Variants in TNFRSF21 observed in about 807,000 individuals in gnomAD.
TNFRSF21 encodes the protein TNF receptor superfamily member 21.
A neutral mutation model predicts 45.6 loss-of-function variants in TNFRSF21; 19 were observed. That is an observed-to-expected ratio of 0.42 (90% CI 0.29 to 0.61). The LOEUF is 0.61. Among genes scored for constraint, TNFRSF21 ranks in the 20% least tolerant of loss-of-function variants. TNFRSF21 has a pLI of 0.23. For missense variants in TNFRSF21, 737 were observed against 851.5 expected (o/e 0.87, Z 1.67); for synonymous variants, 314 against 335.5 (o/e 0.94, Z 0.70).
At position 47,284,239 on chromosome 6, in the gene TNFRSF21, C is replaced by T. The variant is rs199660827; in HGVS notation, c.942G>A (p.Pro314=). 74 of 1,613,850 alleles carry T rather than the reference C, an allele frequency of 4.6e-5. No homozygotes were observed. Among genetic ancestry groups the T allele is most frequent in the Admixed American group, 1.5e-4 (9 of 60,012 alleles). ...PHHRHILKLL[P]SMEATGGEKS... is the part of the protein sequence containing the mutation. ...TCTCGCCCCCAGTGGCCTCCATGGA[C>T]GGCAGCAGCTTCAGGATGTGTCTGT... Residue 314 remains proline (P), a synonymous_variant, in exon 3 of 6, where the codon CCG becomes CCA. Transcript: ENST00000296861.
rs778427574 is a variant in TNFRSF21 at position 47,232,964 on chromosome 6, C to G, written c.1769G>C (p.Arg590Pro). ...EKKDTVLRQVRLDPCDLQPIF... is the reference protein window; with the variant it reads ...EKKDTVLRQVPLDPCDLQPIF... Reference sequence around the variant, plus strand: ...AGGCTGCAAGTCACAGGGGTCCAGGCGTACCTGCCGCAACACTGTGTCCTT... The same window carrying G: ...AGGCTGCAAGTCACAGGGGTCCAGGGGTACCTGCCGCAACACTGTGTCCTT... Residue 590 changes from arginine to proline, a missense_variant, in exon 6 of 6, where the codon CGC becomes CCC. By Grantham distance (103) the Arg-to-Pro change is moderately radical. Coordinates refer to ENST00000296861, the MANE Select transcript of TNFRSF21 (RefSeq NM_014452.5). 1.2e-6 allele frequency: 2 copies of G among 1,614,016 alleles called. No individual in the cohort carries two copies. Among genetic ancestry groups the G allele is most frequent in the African/African-American group, 1.3e-5 (1 of 74,912 alleles).
At chr6:47,256,913 G>A (rs1050592645) in intron 3 of TNFRSF21, among the ~76,000 whole-genome samples, 5 of 152,090 alleles carry the variant, frequency 3.3e-5, no homozygotes, top group Admixed American at 6.5e-5. Context: ...TCATAATGCC[G>A]ATGACAGTGG....
At chr6:47,253,905 C>T (rs183787468) in intron 3 of TNFRSF21, among the ~76,000 whole-genome samples, 1 of 152,314 alleles carries the variant, frequency 6.6e-6, no homozygotes, top group African/African-American at 2.4e-5. Context: ...TGCCTTGAAG[C>T]CATGGATGGT....
At chr6:47,259,688 C>A (rs1373718783) in intron 3 of TNFRSF21, among the ~76,000 whole-genome samples, 1 of 152,080 alleles carries the variant, frequency 6.6e-6, no homozygotes, top group African/African-American at 2.4e-5. Context: ...ATTGCCTTTT[C>A]CCGTGGTGCC....
intron 3 of TNFRSF21, among the ~76,000 whole-genome samples, chr6:47,257,514 A>T (rs2113851831): frequency 6.6e-6 from 1 of 152,362 alleles, no homozygotes; most frequent in Admixed American, 6.5e-5. Flanking sequence ...CCCAGTGAGG[A>T]GACCAGACTG....
intron 3 of TNFRSF21, among the ~76,000 whole-genome samples, chr6:47,259,155 A>G (rs1011800960): frequency 5.9e-5 from 9 of 152,256 alleles, no homozygotes; most frequent in Non-Finnish European, 1.0e-4. Flanking sequence ...ACAGTAAGTG[A>G]CATGGAGACC....
chr6:47,300,427 T>C (rs940016744), intron 1 of TNFRSF21, among the ~76,000 whole-genome samples: 1 of 152,228 alleles, frequency 6.6e-6, no homozygotes, highest in Non-Finnish European at 1.5e-5. Context: ...ATCTCTGCCC[T>C]GAATTACTGT....
intron 1 of TNFRSF21, among the ~76,000 whole-genome samples, chr6:47,287,314 AAAAAAAAAAAAAAAAAAAAAG>A (rs895675669): frequency 1.4e-5 from 2 of 146,008 alleles, no homozygotes; most frequent in African/African-American, 5.0e-5. Flanking sequence ...TCTCAAAAAA[AAAAAAAAAAAAAAAAAAAAAG>A]AAAAGAAAAA....
intron 1 of TNFRSF21, among the ~76,000 whole-genome samples, chr6:47,294,530 T>C (rs1340590009): frequency 6.6e-6 from 1 of 152,200 alleles, no homozygotes; most frequent in Non-Finnish European, 1.5e-5. Context: ...TCTGGCCTTA[T>C]ACCCTTCAGT....
intron 4 of TNFRSF21, among the ~76,000 whole-genome samples, chr6:47,241,481 A>G (rs1022457285): frequency 2.6e-5 from 4 of 151,176 alleles, no homozygotes; most frequent in African/African-American, 9.7e-5. Context: ...AATGTACCCA[A>G]TTTTTTTTTT....
intron 4 of TNFRSF21, among the ~76,000 whole-genome samples, chr6:47,251,281 T>A (rs1432659560): frequency 1.3e-5 from 2 of 152,174 alleles, no homozygotes; most frequent in East Asian, 3.8e-4. Context: ...CTTCTCAGCC[T>A]CCATCATAAC....
intron 1 of TNFRSF21, among the ~76,000 whole-genome samples, chr6:47,305,728 A>C (rs186547752): frequency 6.6e-6 from 1 of 152,356 alleles, no homozygotes; most frequent in East Asian, 1.9e-4. Flanking sequence ...TATAACAGCA[A>C]ATAGCCCTCT....
intron 1 of TNFRSF21, among the ~76,000 whole-genome samples, chr6:47,290,401 T>C (rs376350613): frequency 6.6e-6 from 1 of 152,276 alleles, no homozygotes; most frequent in Admixed American, 6.5e-5. Context: ...TATGTGTGGA[T>C]TTGGGTGTGG....
intron 1 of TNFRSF21, among the ~76,000 whole-genome samples, chr6:47,307,304 C>A (rs1309671011): frequency 1.3e-5 from 2 of 152,152 alleles, no homozygotes; most frequent in Non-Finnish European, 2.9e-5. Flanking sequence ...TTCAAAGTAG[C>A]CAAACTTAAA....
At position 47,262,953 on chromosome 6, in the gene TNFRSF21, C is replaced by G. The variant is rs549072084; in HGVS notation, c.1244-9432G>C. ...GACTTTACATTTAAACAGTATCATT[C>G]CAGCTGTTGTGCCAAGAATAAACTG... On this transcript the variant is annotated intron_variant, in intron 3 of 5. Transcript: ENST00000296861. Among the ~76,000 whole-genome samples the G allele has an allele frequency of 5.0e-4, 76 of 152,212 alleles. No homozygotes were observed. In the South Asian group the frequency reaches 9.6e-3, roughly 19 times the overall value.
At chr6:47,283,819 A>G in intron 3 of TNFRSF21, 119 bp downstream of exon 3, 1 of 1,253,178 alleles carries the variant, frequency 8.0e-7, no homozygotes, top group Non-Finnish European at 1.1e-6. Flanking sequence ...TAGATCAAGT[A>G]GTGTTTGGTC....
intron 4 of TNFRSF21, among the ~76,000 whole-genome samples, chr6:47,243,548 G>C (rs1394907007): frequency 1.3e-5 from 2 of 152,048 alleles, no homozygotes; most frequent in East Asian, 1.9e-4. Context: ...CTCCTGACTA[G>C]CTGGGATTAC....
At position 47,300,843 on chromosome 6, in the gene TNFRSF21, T is replaced by C. The variant is rs115260971; in HGVS notation, c.96+8573A>G. Among the ~76,000 whole-genome samples the C allele has an allele frequency of 5.0e-3, 766 of 152,330 alleles. 5 individuals carry two copies. Among genetic ancestry groups the C allele is most frequent in the African/African-American group, 0.017 (724 of 41,566 alleles). On this transcript the variant is annotated intron_variant, in intron 1 of 5. Transcript: ENST00000296861. ...AGCCCATGAATAGTTTTTCATATCA[T>C]ATACCCAAAGTCTAGCAATGCCTGA...
At chr6:47,309,364 G>A (rs936904945) in intron 1 of TNFRSF21, 52 bp downstream of exon 1, 13 of 1,504,016 alleles carry the variant, frequency 8.6e-6, no homozygotes, top group Admixed American at 2.1e-5. Context: ...CCCGGAGAGC[G>A]GTTCCTTCTG....
Sources: gnomAD v4.1 joint callset for allele counts (sites outside exome capture counted in the v4.1 genomes callset) on GRCh38, gnomAD v4.1.1 for gene constraint, MANE v1.5 for transcripts, NCBI Gene and HGNC (gene_info 2026-07-23, HGNC 2026-07-21) for gene names.